The following NUDCD1 variants were observed in gnomAD, a reference collection of about 807,000 sequenced individuals.
NUDCD1 encodes the protein nudC domain-containing protein 1.
NUDCD1 carries 60 observed loss-of-function variants against 67.8 expected under a neutral mutation model. The observed-to-expected ratio is 0.88, with a 90% CI of 0.72 to 1.10. NUDCD1 has a LOEUF of 1.10. Among genes scored for constraint, NUDCD1 ranks in the 50% least tolerant of loss-of-function variants. The pLI is 0.00. For synonymous variants in NUDCD1, 244 were observed against 230.8 expected (o/e 1.06, Z -0.52); for missense variants, 643 against 695.0 (o/e 0.93, Z 0.84).
At chr8:109,332,392 T>C (rs1586319529) in intron 1 of NUDCD1, among the ~76,000 whole-genome samples, 1 of 152,162 alleles carries the variant, frequency 6.6e-6, no homozygotes, top group East Asian at 1.9e-4. Flanking sequence ...CAAATGACTC[T>C]GGCACAAGTG....
chr8:109,263,365 C>A (rs757467831), intron 8 of NUDCD1, among the ~76,000 whole-genome samples: 5 of 152,144 alleles, frequency 3.3e-5, no homozygotes, highest in Non-Finnish European at 5.9e-5. Context: ...CAAGTTTTCT[C>A]TCCTGTAATA....
intron 1 of NUDCD1, among the ~76,000 whole-genome samples, chr8:109,333,349 C>A (rs1482642176): frequency 6.6e-6 from 1 of 152,168 alleles, no homozygotes; most frequent in Non-Finnish European, 1.5e-5. Context: ...GGAGTAAATC[C>A]ACTTTTCCTC....
In NUDCD1 at chr8:109,241,876, T is replaced by G; in HGVS notation, c.*1133A>C. ...TATAAAATCCAACTTGAGGTTTATA[T>G]AAGATACATATCTTGAAATGGTATA... On this transcript the variant is annotated 3_prime_UTR_variant, in exon 10 of 10. Coordinates refer to ENST00000239690, the MANE Select transcript of NUDCD1 (RefSeq NM_032869.4). 1 of 388,562 alleles carries G rather than the reference T, an allele frequency of 2.6e-6. No individual in the cohort carries two copies. Among genetic ancestry groups the G allele is most frequent in the Non-Finnish European group, 4.5e-6 (1 of 219,998 alleles). The allele number at this position is 388,562 out of a possible 1,614,324, so 24.1% of individuals were successfully genotyped here. A position where few individuals can be genotyped will look rare whatever the true frequency, so the allele number is the denominator to read the frequency against.
intron 7 of NUDCD1, among the ~76,000 whole-genome samples, chr8:109,272,055 A>C (rs1429485233): frequency 1.3e-5 from 2 of 152,124 alleles, no homozygotes; most frequent in African/African-American, 4.8e-5. Flanking sequence ...AGAAGCTCTC[A>C]AGCCAGAAAA....
chr8:109,265,936 T>A (rs915743174), intron 8 of NUDCD1, among the ~76,000 whole-genome samples: 1 of 152,094 alleles, frequency 6.6e-6, no homozygotes, highest in African/African-American at 2.4e-5. Context: ...TGGGGACCCC[T>A]GTCTTAAGCA....
chr8:109,282,229 CA>C lies in NUDCD1; in HGVS notation c.824-1058del, dbSNP rs1814460593. Among the ~76,000 whole-genome samples the C allele has an allele frequency of 3.9e-5, 6 of 152,284 alleles. No individual in the cohort carries two copies. In the South Asian group the frequency reaches 1.2e-3, roughly 32 times the overall value. Reference sequence around the variant, plus strand: ...TCAGACAACTGTGCAATCCAAGAATCAGCCCATTGCCTGAGGCAATAGAGAG... The same window carrying C: ...TCAGACAACTGTGCAATCCAAGAATCGCCCATTGCCTGAGGCAATAGAGAG... On this transcript the variant is annotated intron_variant, in intron 5 of 9. Coordinates refer to ENST00000239690, the MANE Select transcript of NUDCD1 (RefSeq NM_032869.4).
chr8:109,269,481 A>G (rs960567674), intron 8 of NUDCD1, among the ~76,000 whole-genome samples: 3 of 152,194 alleles, frequency 2.0e-5, no homozygotes, highest in Non-Finnish European at 4.4e-5. Context: ...AAGAACAGTT[A>G]TATTTCCTTT....
intron 8 of NUDCD1, among the ~76,000 whole-genome samples, chr8:109,245,700 T>C (rs1035424232): frequency 3.9e-5 from 6 of 152,218 alleles, no homozygotes; most frequent in African/African-American, 1.2e-4. Context: ...TTTAGGTAAC[T>C]TGTCGATGGT....
intron 2 of NUDCD1, among the ~76,000 whole-genome samples, chr8:109,305,571 T>C (rs1815084592): frequency 1.3e-5 from 2 of 152,196 alleles, no homozygotes; most frequent in South Asian, 4.1e-4. Context: ...GTCCTCGAGA[T>C]ACTACAGGGT....
chr8:109,290,764 C>T (rs16879277), intron 4 of NUDCD1, among the ~76,000 whole-genome samples: 1 of 152,028 alleles, frequency 6.6e-6, no homozygotes, highest in Admixed American at 6.6e-5. Flanking sequence ...TATACTGTTA[C>T]TCTTTAAGTG....
At chr8:109,292,226 T>G (rs1046753404) in intron 4 of NUDCD1, among the ~76,000 whole-genome samples, 2 of 152,170 alleles carry the variant, frequency 1.3e-5, no homozygotes, top group African/African-American at 4.8e-5. Context: ...CATACTCGGA[T>G]AGCTGTGACA....
chr8:109,285,148 T>A (rs927585758), intron 5 of NUDCD1, among the ~76,000 whole-genome samples: 1 of 151,718 alleles, frequency 6.6e-6, no homozygotes, highest in Admixed American at 6.6e-5. Flanking sequence ...CAATATCAAG[T>A]TCCAAAATTC....
intron 2 of NUDCD1, among the ~76,000 whole-genome samples, chr8:109,299,962 CCTGGTAGACTTG>C (rs1287291563): frequency 2.0e-5 from 3 of 152,148 alleles, no homozygotes; most frequent in Non-Finnish European, 2.9e-5. Context: ...CAGCCTGGAG[CCTGGTAGACTTG>C]CTGGGTGGCT....
At chr8:109,329,460 TAAAAC>T (rs1184697518) in intron 1 of NUDCD1, among the ~76,000 whole-genome samples, 6 of 152,066 alleles carry the variant, frequency 3.9e-5, no homozygotes, top group African/African-American at 4.8e-5. Flanking sequence ...AGAAAAATCT[TAAAAC>T]AGAAGAAAAA....
intron 2 of NUDCD1, among the ~76,000 whole-genome samples, chr8:109,312,815 A>G (rs1315240224): frequency 2.0e-5 from 3 of 152,212 alleles, no homozygotes; most frequent in Admixed American, 1.3e-4. Context: ...CATACACATC[A>G]GATAAGGCCT....
At chr8:109,251,215 C>T (rs537341542) in intron 8 of NUDCD1, among the ~76,000 whole-genome samples, 4 of 149,808 alleles carry the variant, frequency 2.7e-5, no homozygotes, top group African/African-American at 9.8e-5. Context: ...GCTCTGTCGC[C>T]CAGGCTGGAG....
chr8:109,242,405 T>C lies in NUDCD1; in HGVS notation c.*604A>G. 5.9e-6 allele frequency: 2 copies of C among 339,254 alleles called. No homozygotes were observed. Among genetic ancestry groups the C allele is most frequent in the African/African-American group, 2.1e-5 (1 of 47,478 alleles). The allele number at this position is 339,254 out of a possible 1,614,324, so 21.0% of individuals were successfully genotyped here. A position where few individuals can be genotyped will look rare whatever the true frequency, so the allele number is the denominator to read the frequency against. Reference sequence around the variant, plus strand: ...TTTGGTGTGGTTTGTTATGCAGTGATGGATAATGTGAAATCTTATCTCTCT... The same window carrying C: ...TTTGGTGTGGTTTGTTATGCAGTGACGGATAATGTGAAATCTTATCTCTCT... On this transcript the variant is annotated 3_prime_UTR_variant, in exon 10 of 10. Transcript: ENST00000239690.
At chr8:109,333,566 C>T (rs934276350) in intron 1 of NUDCD1, among the ~76,000 whole-genome samples, 10 of 152,176 alleles carry the variant, frequency 6.6e-5, no homozygotes, top group African/African-American at 2.2e-4. Context: ...TTCTCAGCGT[C>T]CCCCGAAACA....
At chr8:109,285,421 T>C (rs1814552423) in intron 5 of NUDCD1, among the ~76,000 whole-genome samples, 1 of 152,160 alleles carries the variant, frequency 6.6e-6, no homozygotes, top group Admixed American at 6.5e-5. Context: ...ATCAAAATAC[T>C]GGCAAGCTGA....
Sources: allele counts gnomAD v4.1 joint callset (sites outside exome capture counted in the v4.1 genomes callset), GRCh38; gene constraint gnomAD v4.1.1; transcripts MANE v1.5; gene names NCBI Gene and HGNC (gene_info 2026-07-23, HGNC 2026-07-21).